The following GPD2 variants were observed in gnomAD, a reference collection of about 807,000 sequenced individuals.
The protein encoded by GPD2 is glycerol-3-phosphate dehydrogenase 2.
GPD2 carries 54 observed loss-of-function variants against 82.4 expected under a neutral mutation model. That is an observed-to-expected ratio of 0.66 (90% CI 0.53 to 0.82). The LOEUF (loss-of-function observed/expected upper bound fraction) is 0.82, where lower values mean the gene tolerates loss of function less well. Ranked by LOEUF, GPD2 falls within the 40% of genes least tolerant of loss-of-function variation. GPD2 has a pLI of 0.00. For missense variants in GPD2, 748 were observed against 896.2 expected (o/e 0.83, Z 2.11); for synonymous variants, 288 against 306.1 (o/e 0.94, Z 0.62).
the GPD2 span, among the ~76,000 whole-genome samples, chr2:156,410,204 C>T: frequency 3.3e-5 from 5 of 152,116 alleles, no homozygotes; most frequent in East Asian, 1.9e-4. Flanking sequence ...CTCACACATG[C>T]GGGTGAATAC....
chr2:156,522,181 C>A (rs912493645), intron 6 of GPD2, among the ~76,000 whole-genome samples: 3 of 152,138 alleles, frequency 2.0e-5, no homozygotes, highest in African/African-American at 4.8e-5. Flanking sequence ...CAAAATAGCC[C>A]CCAGGAAACT....
intron 3 of GPD2, among the ~76,000 whole-genome samples, chr2:156,500,218 T>C (rs540666253): frequency 2.6e-5 from 4 of 152,334 alleles, no homozygotes; most frequent in African/African-American, 9.6e-5. Flanking sequence ...TGTGGAATTA[T>C]GATTTATAAA....
At chr2:156,497,805 T>C (rs1406651983) in intron 3 of GPD2, among the ~76,000 whole-genome samples, 1 of 152,210 alleles carries the variant, frequency 6.6e-6, no homozygotes, top group East Asian at 1.9e-4. Flanking sequence ...GTTACAAAGT[T>C]GACCCCAATT....
chr2:156,545,158 C>A (rs1378520905), intron 6 of GPD2, among the ~76,000 whole-genome samples: 1 of 152,216 alleles, frequency 6.6e-6, no homozygotes, highest in Non-Finnish European at 1.5e-5. Context: ...ACACCACACA[C>A]ACATCCCTGT....
the GPD2 span, among the ~76,000 whole-genome samples, chr2:156,425,924 T>A: frequency 1.0e-5 from 1 of 99,546 alleles, no homozygotes; most frequent in Non-Finnish European, 2.3e-5. Flanking sequence ...GTCTGGGTAC[T>A]TTTTTTTTTT....
chr2:156,456,664 A>G (rs529425437), intron 1 of GPD2, among the ~76,000 whole-genome samples: 1 of 152,284 alleles, frequency 6.6e-6, no homozygotes, highest in East Asian at 1.9e-4. Context: ...AAGAATTAAG[A>G]TAATGCAAAT....
chr2:156,499,908 G>GGA (rs1684526681), intron 3 of GPD2, among the ~76,000 whole-genome samples: 1 of 151,450 alleles, frequency 6.6e-6, no homozygotes. Flanking sequence ...TTGATTTCAA[G>GGA]GAACAACTTA....
rs1430570137 is a variant in GPD2 at position 156,517,106 on chromosome 2, C to T, written c.661+3610C>T. The stretch of plus-strand genomic sequence containing the variant: ...AGTTCATAGAGGTAATAAAGAAGTT[C>T]CATGCACTCTTCCCTCCAACATTTT... On this transcript the variant is annotated intron_variant, in intron 6 of 16. Coordinates refer to ENST00000438166, the MANE Select transcript of GPD2 (RefSeq NM_000408.5). 2.0e-5 allele frequency among the ~76,000 whole-genome samples: 3 copies of T among 152,262 alleles called. No homozygotes were observed. The East Asian group carries it at 5.8e-4, about 29-fold the overall frequency.
chr2:156,493,144 G>A (rs1331538495), intron 2 of GPD2, among the ~76,000 whole-genome samples: 1 of 152,096 alleles, frequency 6.6e-6, no homozygotes, highest in Non-Finnish European at 1.5e-5. Context: ...TTAATTTTGG[G>A]CAGTAGAGTG....
chr2:156,511,622 T>A (rs1322319015), intron 4 of GPD2, among the ~76,000 whole-genome samples: 2 of 152,190 alleles, frequency 1.3e-5, no homozygotes, highest in African/African-American at 2.4e-5. Context: ...GAAAACAGCA[T>A]AGGATTTAGA....
At chr2:156,494,563 G>A (rs1244741167) in intron 2 of GPD2, among the ~76,000 whole-genome samples, 1 of 152,162 alleles carries the variant, frequency 6.6e-6, no homozygotes, top group African/African-American at 2.4e-5. Flanking sequence ...ACTGCAGGGG[G>A]TAAGTGGGTT....
intron 1 of GPD2, among the ~76,000 whole-genome samples, chr2:156,437,333 AG>A (rs1383589230): frequency 6.6e-6 from 1 of 152,210 alleles, no homozygotes; most frequent in East Asian, 1.9e-4. Context: ...CCAAGTTTAA[AG>A]AGATGTGAAG....
intron 3 of GPD2, among the ~76,000 whole-genome samples, chr2:156,503,461 T>G (rs562214101): frequency 2.0e-5 from 3 of 152,308 alleles, no homozygotes; most frequent in African/African-American, 7.2e-5. Context: ...TAATTTTCTG[T>G]GTTTTTAAGA....
the GPD2 span, among the ~76,000 whole-genome samples, chr2:156,425,975 TG>T: frequency 1.3e-5 from 2 of 149,068 alleles, no homozygotes; most frequent in African/African-American, 2.5e-5. Context: ...CAGGCTGGAG[TG>T]CAGTGGCGCC....
Position 156,549,622 on chromosome 2 carries a change from G to A in GPD2, c.676G>A (p.Ala226Thr), listed in dbSNP as rs1350115391. 6.2e-7 allele frequency: 1 copy of A among 1,613,966 alleles called. No homozygotes were observed. ...IVYYDGQHND[A>T]RMNLAIALTA... Reference sequence around the variant, plus strand: ...CCCCGCTGCAGGACAACATAACGATGCACGGATGAACCTTGCCATTGCTCT... The same window carrying A: ...CCCCGCTGCAGGACAACATAACGATACACGGATGAACCTTGCCATTGCTCT... Residue 226 changes from alanine to threonine, a missense_variant, in exon 7 of 17, where the codon GCA becomes ACA. By Grantham distance (58) the Ala-to-Thr change is moderately conservative (BLOSUM62 0). Coordinates refer to ENST00000438166, the MANE Select transcript of GPD2 (RefSeq NM_000408.5).
intron 1 of GPD2, among the ~76,000 whole-genome samples, chr2:156,471,536 G>A (rs1449992411): frequency 6.6e-6 from 1 of 151,948 alleles, no homozygotes; most frequent in Non-Finnish European, 1.5e-5. Context: ...CCAGCCAAAC[G>A]AGATAACTAT....
chr2:156,466,458 AG>A (rs1468495817), intron 1 of GPD2, among the ~76,000 whole-genome samples: 1 of 152,224 alleles, frequency 6.6e-6, no homozygotes, highest in Non-Finnish European at 1.5e-5. Context: ...ATAAAGAAAA[AG>A]GGTCAAATTT....
At position 156,476,084 on chromosome 2, in the gene GPD2, A is replaced by C; in HGVS notation, c.-8-14A>C. 7.3e-7 allele frequency: 1 copy of C among 1,370,788 alleles called. No individual in the cohort carries two copies. Among genetic ancestry groups the C allele is most frequent in the Non-Finnish European group, 1.0e-6 (1 of 958,874 alleles). 84.9% of individuals were successfully genotyped at this position (1,370,788 alleles called of 1,614,324 possible). A position where few individuals can be genotyped will look rare whatever the true frequency, so the allele number is the denominator to read the frequency against. Reference sequence around the variant, plus strand: ...CCCAATTAACTTCTTTTTGTTTCTTATTTTTCTTTGTAGGCTAAGAAATGG... The same window carrying C: ...CCCAATTAACTTCTTTTTGTTTCTTCTTTTTCTTTGTAGGCTAAGAAATGG... On this transcript the variant is annotated splice_polypyrimidine_tract_variant and intron_variant, in intron 1 of 16. Coordinates refer to ENST00000438166, the MANE Select transcript of GPD2 (RefSeq NM_000408.5).
At position 156,508,332 on chromosome 2, in the gene GPD2, A is replaced by G. The variant is rs562339356; in HGVS notation, c.275-2464A>G. On this transcript the variant is annotated intron_variant, in intron 3 of 16. Transcript: ENST00000438166. Reference sequence around the variant, plus strand: ...GCAGGAGGGCAATAGAGAATACTGGAAAGAGAGAGAGCACTTCCCAGTCTT... The same window carrying G: ...GCAGGAGGGCAATAGAGAATACTGGGAAGAGAGAGAGCACTTCCCAGTCTT... Among the ~76,000 whole-genome samples, 100 of 152,104 alleles carry G rather than the reference A, an allele frequency of 6.6e-4. 1 individual carries two copies. The highest frequency in any genetic ancestry group is 6.8e-3 in the Middle Eastern group (2 of 294).
Sources: allele counts gnomAD v4.1 joint callset (sites outside exome capture counted in the v4.1 genomes callset), GRCh38; gene constraint gnomAD v4.1.1; transcripts MANE v1.5; gene names NCBI Gene and HGNC (gene_info 2026-07-23, HGNC 2026-07-21).